The following STPG2 variants were observed in gnomAD, a reference collection of about 807,000 sequenced individuals.
The protein encoded by STPG2 is sperm tail PG-rich repeat containing 2.
Under a neutral mutation model 54.2 loss-of-function variants are expected in STPG2, and 56 were observed. The ratio of observed to expected loss-of-function variants is 1.03; its 90% CI spans 0.83 to 1.29. The LOEUF is 1.29. Ranked by LOEUF, STPG2 falls within the 50% of genes most tolerant of loss-of-function variation. The pLI is 0.00. For synonymous variants in STPG2, 200 were observed against 181.8 expected (o/e 1.10, Z -0.81); for missense variants, 596 against 544.9 (o/e 1.09, Z -0.93).
chr4:97,468,737 A>C (rs972224474), intron 4 of STPG2, among the ~76,000 whole-genome samples: 2 of 152,072 alleles, frequency 1.3e-5, no homozygotes, highest in Non-Finnish European at 2.9e-5. Flanking sequence ...CCCAGTTCAG[A>C]TGAATACTAT....
At chr4:97,796,835 T>A (rs1392156855) in intron 9 of STPG2, among the ~76,000 whole-genome samples, 1 of 152,224 alleles carries the variant, frequency 6.6e-6, no homozygotes, top group African/African-American at 2.4e-5. Flanking sequence ...GAGCCTGGAA[T>A]GTTCTTCCAT....
At chr4:97,461,558 C>CA (rs909314812) in intron 4 of STPG2, among the ~76,000 whole-genome samples, 4 of 152,132 alleles carry the variant, frequency 2.6e-5, no homozygotes, top group African/African-American at 9.7e-5. Flanking sequence ...TACCAGAACC[C>CA]AACCATGCTC....
At chr4:97,916,885 G>T (rs1387439122) in intron 8 of STPG2, 1 of 152,796 alleles carries the variant, frequency 6.5e-6, no homozygotes, top group Non-Finnish European at 1.5e-5. Flanking sequence ...TGTGGCTCCA[G>T]CTGCTGCCAT....
intron 8 of STPG2, among the ~76,000 whole-genome samples, chr4:97,872,656 AAATG>A (rs1170553506): frequency 6.6e-6 from 1 of 151,306 alleles, no homozygotes; most frequent in African/African-American, 2.4e-5. Flanking sequence ...AATCTGTATA[AAATG>A]AATGGGCATC....
intron 4 of STPG2, among the ~76,000 whole-genome samples, chr4:97,509,894 C>T (rs954507934): frequency 6.6e-6 from 1 of 151,986 alleles, no homozygotes. Flanking sequence ...TTATCAATGA[C>T]TTTACATATA....
At position 98,105,977 on chromosome 4, in the gene STPG2, T is replaced by G. The variant is rs760699706; in HGVS notation, c.588A>C (p.Ile196=). The G allele has an allele frequency of 1.9e-6, 3 of 1,569,028 alleles. No individual in the cohort carries two copies. The African/African-American group carries it at 4.1e-5, about 21-fold the overall frequency. ...YCSFIPRLYE[I]IVLQEKKKRF... The stretch of plus-strand genomic sequence containing the variant: ...CCTTTTTTTTCTCCTGCAATACTAT[T>G]ATTTCATATAGTCGTGGGATAAATG... The change falls in exon 5 of 11, where the codon ATA becomes ATC. Residue 196 remains isoleucine, a synonymous_variant. Transcript: ENST00000295268.
chr4:97,775,108 G>A (rs165250), intron 9 of STPG2, among the ~76,000 whole-genome samples: 88,628 of 152,122 alleles, frequency 0.58, 26,386 homozygotes, highest in East Asian at 0.73. Context: ...CCATCCTGTT[G>A]TGATAAAAAG....
At chr4:97,587,501 C>A (rs529975425) in intron 10 of STPG2, among the ~76,000 whole-genome samples, 1 of 152,016 alleles carries the variant, frequency 6.6e-6, no homozygotes, top group South Asian at 2.1e-4. Context: ...ACAATAAGAA[C>A]CTTCAAGTTT....
intron 9 of STPG2, among the ~76,000 whole-genome samples, chr4:97,790,727 T>C (rs1455647419): frequency 1.3e-5 from 2 of 152,170 alleles, no homozygotes; most frequent in Non-Finnish European, 2.9e-5. Flanking sequence ...CTCTCACTGC[T>C]CTTCTACCTT....
chr4:97,760,395 G>A (rs889845420), intron 9 of STPG2, among the ~76,000 whole-genome samples: 3 of 152,028 alleles, frequency 2.0e-5, no homozygotes, highest in Non-Finnish European at 4.4e-5. Flanking sequence ...ATGAGCCAAG[G>A]CAAGATCATA....
chr4:97,495,680 T>A (rs1244569706), intron 4 of STPG2, among the ~76,000 whole-genome samples: 1 of 142,882 alleles, frequency 7.0e-6, no homozygotes, highest in African/African-American at 2.6e-5. Flanking sequence ...ATATTATAAT[T>A]TTAAATGTTT....
chr4:97,631,800 G>A (rs1229896322), intron 10 of STPG2, among the ~76,000 whole-genome samples: 3 of 152,098 alleles, frequency 2.0e-5, no homozygotes, highest in African/African-American at 4.8e-5. Context: ...GAGCTGAGCA[G>A]TACCATTAAC....
At chr4:97,866,937 T>C (rs549154999) in intron 8 of STPG2, among the ~76,000 whole-genome samples, 62 of 152,058 alleles carry the variant, frequency 4.1e-4, no homozygotes, top group Non-Finnish European at 8.5e-4. Context: ...TTTGGCTTCC[T>C]GATCAAGCAG....
At chr4:97,721,022 C>A (rs561962435) in intron 9 of STPG2, among the ~76,000 whole-genome samples, 1 of 152,072 alleles carries the variant, frequency 6.6e-6, no homozygotes, top group South Asian at 2.1e-4. Context: ...GTATAATATT[C>A]AAAAACATAC....
At chr4:97,475,642 T>C (rs1367406143) in intron 4 of STPG2, among the ~76,000 whole-genome samples, 1 of 152,140 alleles carries the variant, frequency 6.6e-6, no homozygotes, top group Non-Finnish European at 1.5e-5. Flanking sequence ...TTCCATAAAA[T>C]TCATCTTCTG....
intron 8 of STPG2, among the ~76,000 whole-genome samples, chr4:97,875,201 T>A (rs1341350261): frequency 1.3e-5 from 2 of 151,996 alleles, no homozygotes; most frequent in African/African-American, 4.8e-5. Context: ...TTCCCTTGAA[T>A]AAACATTTAG....
rs1408917583 is a variant in STPG2, at chr4:97,442,209, C to T, written c.463-254376G>A. Among the ~76,000 whole-genome samples, 6 of 151,640 alleles carry T rather than the reference C, an allele frequency of 4.0e-5. No individual in the cohort carries two copies. The South Asian group carries it at 8.3e-4, about 21-fold the overall frequency. On this transcript the variant is annotated intron_variant, in intron 4 of 4. Transcript: ENST00000522676. ...TTTTCTGGCTATATCACTTTTACTACATGACATGTTTTTTTTTGTTTTTTT... is the reference window on the plus strand; with the variant it reads ...TTTTCTGGCTATATCACTTTTACTATATGACATGTTTTTTTTTGTTTTTTT...
intron 4 of STPG2, among the ~76,000 whole-genome samples, chr4:97,536,456 C>T (rs143523865): frequency 1.3e-5 from 2 of 152,294 alleles, no homozygotes; most frequent in East Asian, 3.9e-4. Flanking sequence ...GAAGAAGGTA[C>T]TTGCTTCTCC....
chr4:97,564,420 T>G (rs1732362145), intron 10 of STPG2, among the ~76,000 whole-genome samples: 2 of 152,038 alleles, frequency 1.3e-5, no homozygotes, highest in Admixed American at 1.3e-4. Flanking sequence ...ATTGGAGCAT[T>G]TAGTCCATTT....
Sources: gnomAD v4.1 joint callset for allele counts (sites outside exome capture counted in the v4.1 genomes callset) on GRCh38, gnomAD v4.1.1 for gene constraint, MANE v1.5 for transcripts, NCBI Gene and HGNC (gene_info 2026-07-23, HGNC 2026-07-21) for gene names.